DNM3: variants seen among roughly 807,000 people sequenced by gnomAD.
DNM3 encodes the protein dynamin-3.
Under a neutral mutation model 101.6 loss-of-function variants are expected in DNM3, and 47 were observed. The observed-to-expected ratio is 0.46, with a 90% CI of 0.37 to 0.59. The LOEUF is 0.59. Ranked by LOEUF, DNM3 falls within the 20% of genes least tolerant of loss-of-function variation. The pLI is 0.00. For missense variants in DNM3, 849 were observed against 1,085.7 expected, an observed-to-expected ratio of 0.78 and a Z score of 3.06; for synonymous variants, 385 against 387.9, an observed-to-expected ratio of 0.99 and a Z score of 0.09.
chr1:171,867,862 C>T (rs1345578344), intron 1 of DNM3, among the ~76,000 whole-genome samples: 1 of 152,028 alleles, frequency 6.6e-6, no homozygotes, highest in African/African-American at 2.4e-5. Flanking sequence ...ATGTCACACA[C>T]TTAAGATGTA....
At chr1:172,062,643 C>T (rs369855481) in intron 10 of DNM3, among the ~76,000 whole-genome samples, 1 of 152,164 alleles carries the variant, frequency 6.6e-6, no homozygotes, top group Non-Finnish European at 1.5e-5. Flanking sequence ...ATCTGGCACT[C>T]CTTTTCCCTT....
chr1:172,030,790 CAT>C (rs781754471), intron 4 of DNM3, among the ~76,000 whole-genome samples: 2 of 152,060 alleles, frequency 1.3e-5, no homozygotes, highest in Non-Finnish European at 2.9e-5. Flanking sequence ...AGCCAACAAA[CAT>C]ATGAAAAAAA....
intron 14 of DNM3, among the ~76,000 whole-genome samples, chr1:172,179,838 T>A (rs1252679310): frequency 2.0e-5 from 3 of 152,006 alleles, no homozygotes; most frequent in Non-Finnish European, 4.4e-5. Context: ...TACTTTTTTA[T>A]GTATTAAAAA....
At chr1:172,346,081 C>T (rs1456941350) in intron 17 of DNM3, among the ~76,000 whole-genome samples, 1 of 144,222 alleles carries the variant, frequency 6.9e-6, no homozygotes, top group Non-Finnish European at 1.5e-5. Flanking sequence ...CGAGATCGTG[C>T]CACTGCATTC....
At position 172,157,054 on chromosome 1, in the gene DNM3, G is replaced by A. The variant is rs770440930; in HGVS notation, c.1659+25766G>A. On this transcript the variant is annotated intron_variant, in intron 14 of 20. Transcript: ENST00000627582. ...TGGATGGTTTTGGGATGATTCAAGT[G>A]CATTAAATTTATTGTGCACTTTATT... 5.2e-4 allele frequency among the ~76,000 whole-genome samples: 79 copies of A among 151,994 alleles called. 1 individual carries two copies. The highest frequency in any genetic ancestry group is 1.2e-4 in the Non-Finnish European group (8 of 67,968).
intron 1 of DNM3, among the ~76,000 whole-genome samples, chr1:171,894,634 G>A (rs147457676): frequency 0.014 from 2,188 of 152,148 alleles, 61 homozygotes; most frequent in African/African-American, 0.048. Flanking sequence ...TGTGCACAAT[G>A]TGCAGGTTTG....
At chr1:172,323,466 T>C in intron 17 of DNM3, 126 bp downstream of exon 17, 1 of 1,156,804 alleles carries the variant, frequency 8.6e-7, no homozygotes, top group Non-Finnish European at 1.2e-6. Flanking sequence ...ACGAATTATA[T>C]GGGGTGTGCA....
chr1:172,164,701 C>T (rs2058685729), intron 14 of DNM3, among the ~76,000 whole-genome samples: 1 of 152,046 alleles, frequency 6.6e-6, no homozygotes, highest in Admixed American at 6.6e-5. Context: ...AGAGGGACAG[C>T]TATGCCTGTG....
At chr1:171,946,335 C>G (rs1393920201) in intron 2 of DNM3, among the ~76,000 whole-genome samples, 1 of 152,046 alleles carries the variant, frequency 6.6e-6, no homozygotes, top group Non-Finnish European at 1.5e-5. Context: ...GAATTTGGGA[C>G]TTACCTACTA....
intron 20 of DNM3, chr1:172,394,262 C>G (rs772496203): frequency 6.6e-6 from 1 of 152,234 alleles, no homozygotes; most frequent in African/African-American, 2.4e-5. Context: ...GTTCGGATGA[C>G]TGGCAGTCTG....
At chr1:172,209,230 G>C (rs981848542) in intron 14 of DNM3, among the ~76,000 whole-genome samples, 1 of 151,922 alleles carries the variant, frequency 6.6e-6, no homozygotes, top group Non-Finnish European at 1.5e-5. Context: ...ACCCTGTGAG[G>C]GCACAGCAAG....
chr1:172,173,303 T>C (rs541882284), intron 14 of DNM3, among the ~76,000 whole-genome samples: 1 of 151,750 alleles, frequency 6.6e-6, no homozygotes, highest in South Asian at 2.1e-4. Flanking sequence ...GCCAAAGTTT[T>C]TGTTAAAGCA....
intron 15 of DNM3, among the ~76,000 whole-genome samples, chr1:172,308,405 T>C (rs1012777177): frequency 6.6e-6 from 1 of 152,200 alleles, no homozygotes; most frequent in African/African-American, 2.4e-5. Context: ...GGCTGAGCAA[T>C]AGCAATTCCT....
chr1:172,064,654 A>G (rs2051511441), intron 10 of DNM3, among the ~76,000 whole-genome samples: 1 of 152,040 alleles, frequency 6.6e-6, no homozygotes, highest in Admixed American at 6.6e-5. Flanking sequence ...GACTATTTAT[A>G]TGTTTGGGAC....
At chr1:171,871,808 A>T (rs1393658095) in intron 1 of DNM3, among the ~76,000 whole-genome samples, 1 of 151,252 alleles carries the variant, frequency 6.6e-6, no homozygotes, top group East Asian at 1.9e-4. Flanking sequence ...ATTGGTTACT[A>T]TATAAGTTAC....
intron 1 of DNM3, among the ~76,000 whole-genome samples, chr1:171,857,015 C>A (rs1425182035): frequency 6.6e-6 from 1 of 152,036 alleles, no homozygotes; most frequent in Admixed American, 6.6e-5. Context: ...GTTTAGGGAA[C>A]AGAGAATTTT....
intron 13 of DNM3, chr1:172,093,631 A>G: frequency 7.1e-7 from 1 of 1,415,424 alleles, no homozygotes; most frequent in Non-Finnish European, 9.7e-7. Context: ...GAGAAGAGGT[A>G]ATAACAGACT....
At chr1:172,041,290 G>A (rs777987160) in intron 7 of DNM3, among the ~76,000 whole-genome samples, 6 of 152,272 alleles carry the variant, frequency 3.9e-5, no homozygotes, top group South Asian at 2.1e-4. Context: ...TTGGGTGAGG[G>A]AAAGGGAGGT....
intron 1 of DNM3, among the ~76,000 whole-genome samples, chr1:171,876,428 T>C (rs1026737421): frequency 5.9e-5 from 9 of 152,322 alleles, no homozygotes; most frequent in Admixed American, 4.6e-4. Flanking sequence ...ATTCCTGTCT[T>C]TTGGGGTATA....
Sources: allele counts gnomAD v4.1 joint callset (sites outside exome capture counted in the v4.1 genomes callset), GRCh38; gene constraint gnomAD v4.1.1; transcripts MANE v1.5; gene names NCBI Gene and HGNC (gene_info 2026-07-23, HGNC 2026-07-21).